The following BABAM2 variants were observed in gnomAD, a reference collection of about 807,000 sequenced individuals.
BABAM2 encodes BRISC and BRCA1 A complex member 2.
In BABAM2, 31 loss-of-function variants were observed where a neutral mutation model predicts 54.7. The ratio of observed to expected loss-of-function variants is 0.57; its 90% CI spans 0.43 to 0.77. BABAM2 has a LOEUF of 0.77. BABAM2 is among the 30% of genes least tolerant of loss of function. The pLI is 0.00. For missense variants in BABAM2, 364 were observed against 455.8 expected, an observed-to-expected ratio of 0.80 and a Z score of 1.83; for synonymous variants, 167 against 162.9, an observed-to-expected ratio of 1.03 and a Z score of -0.19.
intron 4 of BABAM2, among the ~76,000 whole-genome samples, chr2:28,007,429 A>G (rs569961342): frequency 2.0e-5 from 3 of 152,222 alleles, no homozygotes; most frequent in African/African-American, 7.2e-5. Context: ...AAAATTTACC[A>G]AGAGGAAATT....
At chr2:27,908,898 C>T (rs574447473) in intron 2 of BABAM2, among the ~76,000 whole-genome samples, 3 of 152,246 alleles carry the variant, frequency 2.0e-5, no homozygotes, top group Admixed American at 6.5e-5. Context: ...TCCTCAACAC[C>T]AACACTTATT....
Position 28,056,472 on chromosome 2 carries a change from T to A in BABAM2, c.570+10673T>A, listed in dbSNP as rs529428718. ...TTGTTGTTTTACAGTTTATTTAAAATTTTTTTTTATGATGTGCTTCTTTCT... is the reference window on the plus strand; with the variant it reads ...TTGTTGTTTTACAGTTTATTTAAAAATTTTTTTTATGATGTGCTTCTTTCT... On this transcript the variant is annotated intron_variant, in intron 6 of 11. Transcript: ENST00000379624. Among the ~76,000 whole-genome samples, 25 of 152,022 alleles carry A rather than the reference T, an allele frequency of 1.6e-4. No individual in the cohort carries two copies. The South Asian group carries it at 2.7e-3, about 16-fold the overall frequency.
chr2:27,961,290 T>C (rs1422966683), intron 3 of BABAM2, among the ~76,000 whole-genome samples: 1 of 152,190 alleles, frequency 6.6e-6, no homozygotes, highest in Non-Finnish European at 1.5e-5. Flanking sequence ...TGGTTCAACT[T>C]AGGATTTTTT....
At chr2:27,987,419 A>G (rs1221342933) in intron 3 of BABAM2, among the ~76,000 whole-genome samples, 1 of 152,212 alleles carries the variant, frequency 6.6e-6, no homozygotes, top group Non-Finnish European at 1.5e-5. Flanking sequence ...ATCAGTACAT[A>G]TTTTGGATGT....
chr2:27,969,629 G>C (rs1671062600), intron 3 of BABAM2, among the ~76,000 whole-genome samples: 1 of 152,150 alleles, frequency 6.6e-6, no homozygotes, highest in Non-Finnish European at 1.5e-5. Flanking sequence ...AGTTACTGGA[G>C]CTGGATGGCC....
At chr2:28,035,149 G>A (rs1297958296) in intron 5 of BABAM2, among the ~76,000 whole-genome samples, 1 of 152,100 alleles carries the variant, frequency 6.6e-6, no homozygotes, top group African/African-American at 2.4e-5. Context: ...TGTATTATTA[G>A]CTTTTCACCT....
chr2:27,917,103 C>T (rs777107597), intron 2 of BABAM2, among the ~76,000 whole-genome samples: 20 of 150,640 alleles, frequency 1.3e-4, no homozygotes, highest in Admixed American at 2.0e-4. Flanking sequence ...CTGCAACTTC[C>T]GCCTCCTGGG....
intron 2 of BABAM2, among the ~76,000 whole-genome samples, chr2:27,915,533 C>T (rs746212082): frequency 1.2e-4 from 19 of 152,020 alleles, no homozygotes; most frequent in African/African-American, 3.4e-4. Context: ...AATCTAAGAA[C>T]GAAATCCTTT....
At chr2:28,039,473 CAG>C (rs1676907100) in intron 5 of BABAM2, among the ~76,000 whole-genome samples, 3 of 152,366 alleles carry the variant, frequency 2.0e-5, no homozygotes, top group African/African-American at 7.2e-5. Flanking sequence ...CACTGGTTTT[CAG>C]AGTCCATTTG....
chr2:28,232,997 C>T (rs144599753), intron 7 of BABAM2: 106 of 303,412 alleles, frequency 3.5e-4, no homozygotes, highest in African/African-American at 2.3e-3. Flanking sequence ...GATTTTAAAA[C>T]TCTGGCCTCA....
intron 7 of BABAM2, among the ~76,000 whole-genome samples, chr2:28,176,135 G>A (rs1674916622): frequency 5.9e-5 from 9 of 152,154 alleles, no homozygotes; most frequent in Admixed American, 5.9e-4. Flanking sequence ...CAAATGTGCA[G>A]ATATCAACGT....
chr2:27,999,164 A>C (rs2148509201), intron 4 of BABAM2, among the ~76,000 whole-genome samples: 1 of 152,210 alleles, frequency 6.6e-6, no homozygotes, highest in Non-Finnish European at 1.5e-5. Context: ...TTGTGGTACC[A>C]GGCACACTAA....
intron 3 of BABAM2, among the ~76,000 whole-genome samples, chr2:27,966,414 G>T (rs563092319): frequency 6.6e-5 from 10 of 152,138 alleles, no homozygotes; most frequent in African/African-American, 2.4e-4. Flanking sequence ...TTAACTCCTG[G>T]GTTTAAAATA....
intron 3 of BABAM2, among the ~76,000 whole-genome samples, chr2:27,958,596 T>A (rs1038120696): frequency 7.9e-5 from 12 of 151,722 alleles, no homozygotes; most frequent in African/African-American, 2.4e-4. Context: ...AGTTTTTTTT[T>A]AATTTTTATT....
intron 11 of BABAM2, among the ~76,000 whole-genome samples, chr2:28,324,627 CA>C (rs142164893): frequency 2.2e-3 from 294 of 131,944 alleles, no homozygotes; most frequent in Middle Eastern, 7.8e-3. Flanking sequence ...CCCATCTCTA[CA>C]AAAAAAAAAA....
intron 2 of BABAM2, among the ~76,000 whole-genome samples, chr2:27,916,788 A>G (rs565079384): frequency 1.4e-4 from 22 of 152,288 alleles, no homozygotes; most frequent in African/African-American, 5.3e-4. Context: ...TACCCAAGCT[A>G]AAAGTGGTTT....
intron 6 of BABAM2, among the ~76,000 whole-genome samples, chr2:28,093,746 G>A (rs959605824): frequency 6.6e-6 from 1 of 151,986 alleles, no homozygotes; most frequent in African/African-American, 2.4e-5. Flanking sequence ...CATCTCCTTT[G>A]TACATCTCAG....
chr2:28,116,880 T>C (rs1668660821), intron 6 of BABAM2, among the ~76,000 whole-genome samples: 1 of 152,230 alleles, frequency 6.6e-6, no homozygotes. Flanking sequence ...GCATGTGATC[T>C]CTTTGACAAA....
At position 28,338,710 on chromosome 2, in the gene BABAM2, C is replaced by A; in HGVS notation, c.*197C>A. ...CTGGTGGTCCCTGGATCCTAGAGCC[C>A]TTCACTTCGGGTTACTCCCTCTTTC... On this transcript the variant is annotated 3_prime_UTR_variant, in exon 12 of 12. Coordinates refer to ENST00000379624, the MANE Select transcript of BABAM2 (RefSeq NM_199191.3). 1.8e-6 allele frequency: 1 copy of A among 570,218 alleles called. No individual in the cohort carries two copies. Among genetic ancestry groups the A allele is most frequent in the Non-Finnish European group, 3.1e-6 (1 of 322,432 alleles). The allele number at this position is 570,218 out of a possible 1,614,324, so 35.3% of individuals were successfully genotyped here. A position where few individuals can be genotyped will look rare whatever the true frequency, so the allele number is the denominator to read the frequency against.
Sources: allele counts gnomAD v4.1 joint callset (sites outside exome capture counted in the v4.1 genomes callset), GRCh38; gene constraint gnomAD v4.1.1; transcripts MANE v1.5; gene names NCBI Gene and HGNC (gene_info 2026-07-23, HGNC 2026-07-21).